The following COL24A1 variants were observed in gnomAD, a reference collection of about 807,000 sequenced individuals.
The protein encoded by COL24A1 is collagen alpha-1(XXIV) chain.
Under a neutral mutation model 253.9 loss-of-function variants are expected in COL24A1, and 224 were observed. That is an observed-to-expected ratio of 0.88 (90% confidence interval 0.79 to 0.99). The LOEUF (loss-of-function observed/expected upper bound fraction) is 0.99. Ranked by LOEUF, COL24A1 falls within the 50% of genes least tolerant of loss-of-function variation. The pLI is 0.00. For synonymous variants in COL24A1, 685 were observed against 673.7 expected, an observed-to-expected ratio of 1.02 and a Z score of -0.26; for missense variants, 2,131 against 2,068.5, an observed-to-expected ratio of 1.03 and a Z score of -0.59.
rs1648050234 is a variant in COL24A1 at position 86,125,137 on chromosome 1, A to G, written c.1199T>C (p.Ile400Thr). 1.2e-6 allele frequency: 2 copies of G among 1,613,248 alleles called. No individual in the cohort carries two copies. The highest frequency in any genetic ancestry group is 1.7e-6 in the Non-Finnish European group (2 of 1,179,734). Residue 400 changes from isoleucine (I) to threonine (T), a missense_variant, in exon 3 of 60, where the codon ATT becomes ACT. Ile to Thr is a moderately conservative substitution (Grantham distance 89, BLOSUM62 -1). Transcript: ENST00000370571. ...GAGATTAGTAATTGTATCTTGTTTA[A>G]TTTGTGGAAGAATAGATGGCATCTT... ...FKKMPSILPQIKQDTITNLKK... is the reference protein window; with the variant it reads ...FKKMPSILPQTKQDTITNLKK...
chr1:85,760,071 T>TGTTTG (rs1166242065), intron 55 of COL24A1, among the ~76,000 whole-genome samples: 1 of 149,650 alleles, frequency 6.7e-6, no homozygotes, highest in African/African-American at 2.5e-5. Context: ...TTTTTTTTTT[T>TGTTTG]TTTGTTTGTT....
At chr1:85,893,023 C>A (rs1349028643) in intron 31 of COL24A1, among the ~76,000 whole-genome samples, 1 of 152,054 alleles carries the variant, frequency 6.6e-6, no homozygotes, top group Non-Finnish European at 1.5e-5. Flanking sequence ...TCAATAATTA[C>A]ATTAAATTGA....
chr1:86,105,452 G>C (rs948249540), intron 5 of COL24A1, among the ~76,000 whole-genome samples: 1 of 152,150 alleles, frequency 6.6e-6, no homozygotes, highest in Non-Finnish European at 1.5e-5. Flanking sequence ...CGGGCCCCCA[G>C]GGCCCCAGTC....
At chr1:85,746,972 T>C (rs183989439) in intron 55 of COL24A1, among the ~76,000 whole-genome samples, 8 of 152,270 alleles carry the variant, frequency 5.3e-5, no homozygotes, top group Admixed American at 4.6e-4. Flanking sequence ...CTGGTGATTA[T>C]GGGTTTTAAT....
intron 19 of COL24A1, among the ~76,000 whole-genome samples, chr1:85,996,799 G>C (rs577689499): frequency 1.8e-4 from 27 of 152,048 alleles, no homozygotes; most frequent in African/African-American, 6.5e-4. Flanking sequence ...TCTGGAGACT[G>C]TTTATCTCAG....
intron 37 of COL24A1, among the ~76,000 whole-genome samples, chr1:85,853,376 T>C (rs1378539557): frequency 6.6e-6 from 1 of 152,180 alleles, no homozygotes; most frequent in Non-Finnish European, 1.5e-5. Flanking sequence ...CCACTGTTGA[T>C]GGAGATCTAG....
intron 39 of COL24A1, among the ~76,000 whole-genome samples, 199 bp from the exon 40 acceptor site, chr1:85,842,592 A>G (rs866640776): frequency 2.0e-5 from 3 of 152,106 alleles, no homozygotes; most frequent in African/African-American, 2.4e-5. Flanking sequence ...TTCTGCAACA[A>G]ATGTCTTTTT....
intron 37 of COL24A1, among the ~76,000 whole-genome samples, chr1:85,856,994 T>C (rs1298540941): frequency 6.6e-6 from 1 of 151,882 alleles, no homozygotes; most frequent in Non-Finnish European, 1.5e-5. Flanking sequence ...AAGAGAAGCA[T>C]GGAGGTTTTG....
At chr1:86,121,479 A>G (rs1458893875) in intron 3 of COL24A1, among the ~76,000 whole-genome samples, 1 of 152,144 alleles carries the variant, frequency 6.6e-6, no homozygotes, top group African/African-American at 2.4e-5. Context: ...CTACATATTC[A>G]AAGAATGTCA....
intron 7 of COL24A1, among the ~76,000 whole-genome samples, chr1:86,066,968 C>G (rs959888106): frequency 4.6e-5 from 7 of 151,892 alleles, no homozygotes; most frequent in Non-Finnish European, 7.4e-5. Context: ...TGAAACCCGT[C>G]TCTATTAAAA....
intron 57 of COL24A1, among the ~76,000 whole-genome samples, chr1:85,743,330 A>G (rs1445225001): frequency 2.0e-5 from 3 of 152,016 alleles, no homozygotes; most frequent in Admixed American, 1.3e-4. Context: ...GGGCTTTTGC[A>G]TTTATTCTTT....
intron 3 of COL24A1, among the ~76,000 whole-genome samples, chr1:86,121,485 T>G (rs182925049): frequency 2.0e-5 from 3 of 152,180 alleles, no homozygotes; most frequent in African/African-American, 7.2e-5. Context: ...ATTCAAAGAA[T>G]GTCAAGATGA....
chr1:85,781,188 A>G, intron 52 of COL24A1, 32 bp downstream of exon 52: 1 of 1,469,852 alleles, frequency 6.8e-7, no homozygotes, highest in Admixed American at 2.0e-5. Flanking sequence ...GAAAAAAAAG[A>G]GTACAAAAGA....
intron 24 of COL24A1, among the ~76,000 whole-genome samples, chr1:85,941,249 G>T (rs1005024566): frequency 2.0e-5 from 3 of 152,124 alleles, no homozygotes; most frequent in Admixed American, 2.0e-4. Context: ...CCTCATAGGT[G>T]TTGTGTTTTC....
In COL24A1 at chr1:86,118,188, G is replaced by A. The variant is rs529185019; in HGVS notation, c.1492-2810C>T. ...AGCAATTCTCCTGCCTCAGCCTCTC[G>A]AGTAGCTGGGATTACAGGTGCGTGC... On this transcript the variant is annotated intron_variant, in intron 3 of 59. Coordinates refer to ENST00000370571, the MANE Select transcript of COL24A1 (RefSeq NM_152890.7). Among the ~76,000 whole-genome samples, 21 of 151,664 alleles carry A rather than the reference G, an allele frequency of 1.4e-4. No individual in the cohort carries two copies. The East Asian group carries it at 1.6e-3, about 11-fold the overall frequency.
chr1:86,117,444 A>G (rs190484930), intron 3 of COL24A1, among the ~76,000 whole-genome samples: 1 of 152,236 alleles, frequency 6.6e-6, no homozygotes, highest in Non-Finnish European at 1.5e-5. Flanking sequence ...AGCTTCCAGA[A>G]CTGTGAGAAA....
intron 2 of COL24A1, among the ~76,000 whole-genome samples, chr1:86,135,814 G>T (rs7531177): frequency 0.78 from 117,898 of 151,514 alleles, 47,043 homozygotes; most frequent in Non-Finnish European, 0.87. Context: ...ACATTTTTTT[G>T]TGTGTACATT....
intron 10 of COL24A1, among the ~76,000 whole-genome samples, chr1:86,052,681 G>A (rs1203066335): frequency 6.6e-6 from 1 of 151,942 alleles, no homozygotes; most frequent in Non-Finnish European, 1.5e-5. Flanking sequence ...ACAATTGGAT[G>A]TACTTAAGGC....
chr1:85,909,144 A>C (rs572761671), intron 26 of COL24A1, among the ~76,000 whole-genome samples: 1 of 151,912 alleles, frequency 6.6e-6, no homozygotes, highest in African/African-American at 2.4e-5. Context: ...TGATTCAAAA[A>C]ATGCGTTAGG....
Sources: allele counts gnomAD v4.1 joint callset (sites outside exome capture counted in the v4.1 genomes callset), GRCh38; gene constraint gnomAD v4.1.1; transcripts MANE v1.5; gene names NCBI Gene and HGNC (gene_info 2026-07-23, HGNC 2026-07-21).